Variants in PTPRM observed in about 807,000 individuals in gnomAD.
PTPRM encodes receptor-type tyrosine-protein phosphatase mu.
PTPRM carries 47 observed loss-of-function variants against 186.7 expected under a neutral mutation model. The observed-to-expected ratio is 0.25, with a 90% CI of 0.20 to 0.32. The LOEUF is 0.32. PTPRM is among the 10% of genes least tolerant of loss of function. The probability of loss-of-function intolerance (pLI) is 1.00; values close to 1 mark genes in which losing one functional copy is unlikely to be tolerated. For synonymous variants in PTPRM, 668 were observed against 674.9 expected (o/e 0.99, Z 0.16); for missense variants, 1,494 against 1,865.0 (o/e 0.80, Z 3.66).
At chr18:7,840,650 C>T (rs1384942991) in intron 2 of PTPRM, among the ~76,000 whole-genome samples, 1 of 152,168 alleles carries the variant, frequency 6.6e-6, no homozygotes, top group Non-Finnish European at 1.5e-5. Flanking sequence ...AGGAAATTGA[C>T]AAATGATCAG....
rs142750334 is a variant in PTPRM, at chr18:7,981,641, C to T, written c.1132+26227C>T. Reference sequence around the variant, plus strand: ...TATATGAGTATGAAGTATATGCAGTCATGCATCCTTAAGCAATGGGGCTGT... The same window carrying T: ...TATATGAGTATGAAGTATATGCAGTTATGCATCCTTAAGCAATGGGGCTGT... On this transcript the variant is annotated intron_variant, in intron 7 of 32. Coordinates refer to ENST00000580170, the MANE Select transcript of PTPRM (RefSeq NM_001105244.2). Among the ~76,000 whole-genome samples, 1,245 of 152,288 alleles carry T rather than the reference C, an allele frequency of 8.2e-3. 7 individuals carry two copies. Among genetic ancestry groups the T allele is most frequent in the South Asian group, 0.033 (159 of 4,822 alleles).
At chr18:8,353,771 G>A (rs1375257978) in intron 23 of PTPRM, among the ~76,000 whole-genome samples, 1 of 152,168 alleles carries the variant, frequency 6.6e-6, no homozygotes, top group African/African-American at 2.4e-5. Flanking sequence ...AGAGAGAGAT[G>A]TGAGCTGAAG....
At chr18:7,921,381 ATTTT>A (rs368367424) in intron 4 of PTPRM, among the ~76,000 whole-genome samples, 1 of 136,106 alleles carries the variant, frequency 7.3e-6, no homozygotes, top group Non-Finnish European at 1.6e-5. Context: ...CCTCTAATGA[ATTTT>A]TTTTTTTTTT....
In PTPRM at chr18:8,176,866, A is replaced by G. The variant is rs1041002186; in HGVS notation, c.2300+33087A>G. Among the ~76,000 whole-genome samples the G allele has an allele frequency of 3.3e-4, 50 of 152,202 alleles. 1 individual carries two copies. Among genetic ancestry groups the G allele is most frequent in the Admixed American group, 6.5e-5 (1 of 15,274 alleles). On this transcript the variant is annotated intron_variant, in intron 14 of 32. Coordinates refer to ENST00000580170, the MANE Select transcript of PTPRM (RefSeq NM_001105244.2). ...CAGTCTCATGCAGAGTTGGTGACTA[A>G]TATCCTTCACTCTAGCTTGAAAGCC...
intron 14 of PTPRM, among the ~76,000 whole-genome samples, chr18:8,240,618 G>GGAGAGAGAGAGAGAGAGAGA (rs372227037): frequency 2.9e-5 from 1 of 34,798 alleles, no homozygotes; most frequent in Non-Finnish European, 4.8e-5. Context: ...AGAGAGGGAG[G>GGAGAGAGAGAGAGAGAGAGA]GAGAGAGAGA....
chr18:7,857,934 C>A (rs745552011), intron 2 of PTPRM, among the ~76,000 whole-genome samples: 1 of 152,094 alleles, frequency 6.6e-6, no homozygotes, highest in African/African-American at 2.4e-5. Context: ...AGAGAAAGAG[C>A]TTACTTTAAT....
intron 14 of PTPRM, among the ~76,000 whole-genome samples, chr18:8,171,299 A>T (rs965707200): frequency 2.0e-5 from 3 of 152,212 alleles, no homozygotes; most frequent in African/African-American, 7.2e-5. Flanking sequence ...CTCAGCAGCA[A>T]ATGGGCTGTG....
chr18:7,725,456 A>G (rs1018209045), intron 1 of PTPRM, among the ~76,000 whole-genome samples: 1 of 152,088 alleles, frequency 6.6e-6, no homozygotes, highest in African/African-American at 2.4e-5. Context: ...TCCTCAAGCC[A>G]AAGAGCCTGG....
At chr18:7,792,508 C>T (rs1023127941) in intron 2 of PTPRM, among the ~76,000 whole-genome samples, 1 of 152,150 alleles carries the variant, frequency 6.6e-6, no homozygotes, top group African/African-American at 2.4e-5. Context: ...TCCCCGGGCT[C>T]ATACCCCTTG....
intron 1 of PTPRM, among the ~76,000 whole-genome samples, chr18:7,589,229 T>C (rs1001366778): frequency 6.6e-6 from 1 of 152,226 alleles, no homozygotes; most frequent in Non-Finnish European, 1.5e-5. Flanking sequence ...GTTTGAAAGC[T>C]TCCTTGAAAG....
intron 19 of PTPRM, among the ~76,000 whole-genome samples, chr18:8,258,486 G>T (rs1280543160): frequency 6.6e-6 from 1 of 152,104 alleles, no homozygotes; most frequent in East Asian, 1.9e-4. Context: ...CAGGTCCAAC[G>T]TTGTGGTGAT....
intron 7 of PTPRM, among the ~76,000 whole-genome samples, chr18:8,027,531 C>A (rs1303537585): frequency 6.6e-6 from 1 of 152,178 alleles, no homozygotes; most frequent in East Asian, 1.9e-4. Flanking sequence ...TAATCAGATT[C>A]TGCCCATTTC....
chr18:7,572,773 T>G (rs2036594325), intron 1 of PTPRM, among the ~76,000 whole-genome samples: 2 of 152,236 alleles, frequency 1.3e-5, no homozygotes, highest in Non-Finnish European at 2.9e-5. Flanking sequence ...ACTATCTTTA[T>G]GAATATAACA....
At chr18:8,044,271 ATG>A (rs1568239755) in intron 7 of PTPRM, among the ~76,000 whole-genome samples, 2 of 152,202 alleles carry the variant, frequency 1.3e-5, no homozygotes, top group African/African-American at 4.8e-5. Flanking sequence ...CATTGAATAG[ATG>A]ACATTTGAAA....
intron 19 of PTPRM, among the ~76,000 whole-genome samples, chr18:8,255,921 C>T (rs992336743): frequency 6.6e-6 from 1 of 152,110 alleles, no homozygotes; most frequent in Non-Finnish European, 1.5e-5. Context: ...ATGACATGCT[C>T]TGGTCTTGAT....
At chr18:8,304,021 G>A (rs2095191412) in intron 20 of PTPRM, among the ~76,000 whole-genome samples, 1 of 152,168 alleles carries the variant, frequency 6.6e-6, no homozygotes, top group African/African-American at 2.4e-5. Flanking sequence ...TTCTCTCAGA[G>A]GCTAAATATT....
chr18:7,908,012 C>T (rs538743035), intron 4 of PTPRM, among the ~76,000 whole-genome samples: 4 of 151,316 alleles, frequency 2.6e-5, no homozygotes, highest in Non-Finnish European at 4.4e-5. Flanking sequence ...CACAGTTTTT[C>T]TCTATTAAAT....
chr18:8,191,635 A>G (rs2146713330), intron 14 of PTPRM, among the ~76,000 whole-genome samples: 1 of 152,186 alleles, frequency 6.6e-6, no homozygotes, highest in East Asian at 1.9e-4. Context: ...CATCCCCCCA[A>G]CACACACACA....
At chr18:8,285,873 T>C (rs1248746565) in intron 19 of PTPRM, among the ~76,000 whole-genome samples, 2 of 152,074 alleles carry the variant, frequency 1.3e-5, no homozygotes, top group Non-Finnish European at 2.9e-5. Flanking sequence ...GTACCTGTAG[T>C]CCTAGCTACT....
Sources: allele counts gnomAD v4.1 joint callset (sites outside exome capture counted in the v4.1 genomes callset), GRCh38; gene constraint gnomAD v4.1.1; transcripts MANE v1.5; gene names NCBI Gene and HGNC (gene_info 2026-07-23, HGNC 2026-07-21).